Variants in FAM171A2 observed in about 807,000 individuals in gnomAD.
FAM171A2 encodes family with sequence similarity 171 member A2.
In FAM171A2, 13 loss-of-function variants were observed where a neutral mutation model predicts 34.2. That is an observed-to-expected ratio of 0.38 (90% CI 0.25 to 0.60). FAM171A2 has a LOEUF of 0.60. FAM171A2 is among the 20% of genes least tolerant of loss of function. FAM171A2 has a pLI of 0.62. For missense variants in FAM171A2, 950 were observed against 1,180.7 expected, an observed-to-expected ratio of 0.80 and a Z score of 2.86; for synonymous variants, 475 against 561.2, an observed-to-expected ratio of 0.85 and a Z score of 2.17.
At chr17:44,357,758 T>TGTGTGTG (rs61464829) in intron 3 of FAM171A2, among the ~76,000 whole-genome samples, 4 of 148,982 alleles carry the variant, frequency 2.7e-5, no homozygotes, top group Non-Finnish European at 3.0e-5. Context: ...TGTGTGTGTG[T>TGTGTGTG]TGGGGTGGAG....
chr17:44,355,330 C>T lies in FAM171A2; in HGVS notation c.1023-139G>A, dbSNP rs1348745200. 6.4e-6 allele frequency: 9 copies of T among 1,404,682 alleles called. No individual in the cohort carries two copies. The Admixed American group carries it at 7.9e-5, about 12-fold the overall frequency. The allele number at this position is 1,404,682 out of a possible 1,614,324, so 87.0% of individuals were successfully genotyped here. A position where few individuals can be genotyped will look rare whatever the true frequency, so the allele number is the denominator to read the frequency against. On this transcript the variant is annotated intron_variant, in intron 7 of 7. Transcript: ENST00000293443. This position sits in a 1 kb window ranked among gnomAD's most constrained non-coding sequence, Gnocchi z 4.1. ...TGCCTGGGGCGCTCAGGAGAGATGG[C>T]GGGGAGCCGCCGTGTCCGTTTGGCG...
chr17:44,359,361 T>C (rs2048438499), intron 3 of FAM171A2: 2 of 571,898 alleles, frequency 3.5e-6, no homozygotes, highest in Non-Finnish European at 6.3e-6. Context: ...TAAACATTTA[T>C]TGAACACCTT....
intron 1 of FAM171A2, among the ~76,000 whole-genome samples, chr17:44,362,661 C>T (rs2048452546): frequency 6.6e-6 from 1 of 152,234 alleles, no homozygotes; most frequent in Non-Finnish European, 1.5e-5. Flanking sequence ...TCTTGCTCCC[C>T]CACCCTTTCC....
intron 1 of FAM171A2, 112 bp downstream of exon 1, chr17:44,363,485 A>C: frequency 1.7e-5 from 7 of 417,506 alleles, no homozygotes; most frequent in East Asian, 8.8e-5. Flanking sequence ...ACCCGAATCC[A>C]GGGAACAGAA....
chr17:44,362,227 C>A (rs760864701), intron 1 of FAM171A2, among the ~76,000 whole-genome samples: 129 of 152,254 alleles, frequency 8.5e-4, no homozygotes, highest in Non-Finnish European at 1.6e-3. Flanking sequence ...GGGCCCCTTC[C>A]CCTGAGGTGC....
At chr17:44,357,235 T>TG (rs2048428105) in intron 3 of FAM171A2, among the ~76,000 whole-genome samples, 1 of 151,678 alleles carries the variant, frequency 6.6e-6, no homozygotes, top group Non-Finnish European at 1.5e-5. Flanking sequence ...TAATCCCAGC[T>TG]GCTCGTGAGG....
Position 44,356,183 on chromosome 17 carries a change from G to C in FAM171A2, c.768C>G (p.Asp256Glu). 1.3e-6 allele frequency: 2 copies of C among 1,547,654 alleles called. No individual in the cohort carries two copies. Among genetic ancestry groups the C allele is most frequent in the Non-Finnish European group, 1.7e-6 (2 of 1,144,128 alleles). Residue 256 changes from aspartate to glutamate, a missense_variant, in exon 5 of 8, where the codon GAC becomes GAG. This residue lies in a region of FAM171A2 where 752 missense variants were observed against 924.5 expected (regional missense o/e 0.81). Transcript: ENST00000293443. ...VGTSIPAWRF[D>E]PKSGLWVRNG... is the part of the protein sequence containing the mutation. ...CCCTGAGGCACTTACCACTCTTGGG[G>C]TCAAATCTCCAGGCTGGAATGCTGG...
At position 44,354,041 on chromosome 17, in the gene FAM171A2, C is replaced by A. The variant is rs2048405892; in HGVS notation, c.2173G>T (p.Ala725Ser). The stretch of plus-strand genomic sequence containing the variant: ...CTGGGCTCCGTGTCCTCGCTGAGCG[C>A]CAGGCGCGGGGGCGCGGGCGGCGGC... The part of the protein sequence containing the change: ...PPPPPAPPRL[A>S]LSEDTEPSSS... Residue 725 changes from alanine to serine, a missense_variant, in exon 8 of 8, where the codon GCG becomes TCG. This residue lies in a region of FAM171A2 where 191 missense variants were observed against 222.8 expected (regional missense o/e 0.86). Coordinates refer to ENST00000293443, the MANE Select transcript of FAM171A2 (RefSeq NM_198475.3). The surrounding 1 kb of genome is among the most constrained non-coding windows in gnomAD (Gnocchi z 5.8). The A allele has an allele frequency of 1.7e-6, 2 of 1,162,420 alleles. No individual in the cohort carries two copies. The highest frequency in any genetic ancestry group is 3.3e-5 in the African/African-American group (2 of 61,318). The allele number at this position is 1,162,420 out of a possible 1,614,324, so 72.0% of individuals were successfully genotyped here. A position where few individuals can be genotyped will look rare whatever the true frequency, so the allele number is the denominator to read the frequency against.
At chr17:44,361,729 C>G (rs1167587342) in intron 1 of FAM171A2, among the ~76,000 whole-genome samples, 1 of 152,138 alleles carries the variant, frequency 6.6e-6, no homozygotes, top group East Asian at 1.9e-4. Flanking sequence ...TGATTTAATT[C>G]TTACTTCAAT....
chr17:44,356,156 C>A lies in FAM171A2; in HGVS notation c.778+17G>T. ...CTTCTCTCAACTCAAGCACCTGCAGCCCCCTGAGGCACTTACCACTCTTGG... is the reference window on the plus strand; with the variant it reads ...CTTCTCTCAACTCAAGCACCTGCAGACCCCTGAGGCACTTACCACTCTTGG... On this transcript the variant is annotated intron_variant, in intron 5 of 7. Coordinates refer to ENST00000293443, the MANE Select transcript of FAM171A2 (RefSeq NM_198475.3). 6.5e-7 allele frequency: 1 copy of A among 1,532,098 alleles called. No homozygotes were observed. The highest frequency in any genetic ancestry group is 8.8e-7 in the Non-Finnish European group (1 of 1,133,492). The allele number at this position is 1,532,098 out of a possible 1,614,324, so 94.9% of individuals were successfully genotyped here. A position where few individuals can be genotyped will look rare whatever the true frequency, so the allele number is the denominator to read the frequency against.
rs1338906313 is a variant in FAM171A2, at chr17:44,355,064, G to A, written c.1150C>T (p.Pro384Ser). 3.9e-6 allele frequency: 6 copies of A among 1,548,688 alleles called. No homozygotes were observed. The highest frequency in any genetic ancestry group is 1.2e-5 in the South Asian group (1 of 83,900). The part of the protein sequence containing the change: ...LHLICGGPLE[P>S]APSGDPEAPP... The stretch of plus-strand genomic sequence containing the variant: ...GCCTCGGGGTCCCCCGACGGGGCGG[G>A]TTCCAGGGGTCCCCCACAGATGAGG... The change falls in exon 8 of 8, where the codon CCC becomes TCC. Residue 384 changes from proline to serine, a missense_variant. Pro to Ser is a moderately conservative substitution (Grantham distance 74). Transcript: ENST00000293443. The surrounding 1 kb of genome is among the most constrained non-coding windows in gnomAD (Gnocchi z 4.1).
chr17:44,356,005 G>A lies in FAM171A2; in HGVS notation c.848C>T (p.Ser283Phe), dbSNP rs1229144263. 2 of 1,547,888 alleles carry A rather than the reference G, an allele frequency of 1.3e-6. No homozygotes were observed. Among genetic ancestry groups the A allele is most frequent in the African/African-American group, 1.4e-5 (1 of 73,130 alleles). The change falls in exon 6 of 8, where the codon TCC becomes TTC. Residue 283 changes from serine to phenylalanine, a missense_variant. Coordinates refer to ENST00000293443, the MANE Select transcript of FAM171A2 (RefSeq NM_198475.3). ...GGCCACCCAGTACCCCAGCTGGGGG[G>A]AGACGAAGGTCCAGTAGAGCTGCCG... ...EGRQLYWTFV[S>F]PQLGYWVAAM...
chr17:44,359,847 G>A (rs1168095628), intron 2 of FAM171A2, 58 bp downstream of exon 2: 1 of 1,473,122 alleles, frequency 6.8e-7, no homozygotes, highest in African/African-American at 1.4e-5. Flanking sequence ...ACTATTTTGG[G>A]AAGGGGCTGA....
At chr17:44,356,393 C>T in intron 4 of FAM171A2, 37 bp downstream of exon 4, 1 of 1,547,170 alleles carries the variant, frequency 6.5e-7, no homozygotes, top group Non-Finnish European at 8.7e-7. Context: ...GATCCTGAGC[C>T]TGGGGAGACC....
Position 44,363,619 on chromosome 17 carries a change from C to T in FAM171A2, c.96G>A (p.Pro32=). The T allele has an allele frequency of 8.1e-7, 1 of 1,229,392 alleles. No homozygotes were observed. 76.2% of individuals were successfully genotyped at this position (1,229,392 alleles called of 1,614,324 possible). ...CACCCTGCGGGCTGGGGGGCTCCGGCGGCGACTTGCCGGGAGCCCGGGAGG... is the reference window on the plus strand; with the variant it reads ...CACCCTGCGGGCTGGGGGGCTCCGGTGGCGACTTGCCGGGAGCCCGGGAGG... ...GSASRAPGKS[P]PEPPSPQEIL... The change falls in exon 1 of 8, where the codon CCG becomes CCA. Residue 32 remains proline (P), a synonymous_variant. Coordinates refer to ENST00000293443, the MANE Select transcript of FAM171A2 (RefSeq NM_198475.3).
At chr17:44,362,278 C>G (rs764044514) in intron 1 of FAM171A2, among the ~76,000 whole-genome samples, 3 of 152,258 alleles carry the variant, frequency 2.0e-5, no homozygotes, top group Middle Eastern at 3.4e-3. Context: ...ACTAGGGCTT[C>G]TTCCTACTAA....
chr17:44,363,026 G>C (rs551019287), intron 1 of FAM171A2, among the ~76,000 whole-genome samples: 1 of 152,118 alleles, frequency 6.6e-6, no homozygotes, highest in African/African-American at 2.4e-5. Flanking sequence ...TCTAAACCAG[G>C]GGGGCTGGCT....
At chr17:44,362,893 G>A (rs983916680) in intron 1 of FAM171A2, among the ~76,000 whole-genome samples, 10 of 152,250 alleles carry the variant, frequency 6.6e-5, no homozygotes, top group Non-Finnish European at 1.2e-4. Context: ...ATGGCTCCAC[G>A]ACCACAAGCC....
Position 44,353,684 on chromosome 17 carries a change from C to G in FAM171A2, c.*49G>C. 3.3e-6 allele frequency: 4 copies of G among 1,227,550 alleles called. No individual in the cohort carries two copies. The highest frequency in any genetic ancestry group is 4.1e-6 in the Non-Finnish European group (4 of 986,322). The allele number at this position is 1,227,550 out of a possible 1,614,324, so 76.0% of individuals were successfully genotyped here. A position where few individuals can be genotyped will look rare whatever the true frequency, so the allele number is the denominator to read the frequency against. On this transcript the variant is annotated 3_prime_UTR_variant, in exon 8 of 8. Transcript: ENST00000293443. ...CCCGCGGGCCCCCGGGGCGCGCACC[C>G]TGGGTGCGGGCCCGCGCGGGAGGGG...
Sources: allele counts gnomAD v4.1 joint callset (sites outside exome capture counted in the v4.1 genomes callset), GRCh38; gene constraint gnomAD v4.1.1; regional missense constraint gnomAD v4.1.1; non-coding constraint Gnocchi (gnomAD v3.1); transcripts MANE v1.5; gene names NCBI Gene and HGNC (gene_info 2026-07-23, HGNC 2026-07-21).